Variants in DDIAS observed in about 807,000 individuals in gnomAD.
DDIAS encodes DNA damage induced apoptosis suppressor.
DDIAS carries 14 observed loss-of-function variants against 15.7 expected under a neutral mutation model. The ratio of observed to expected loss-of-function variants is 0.89; its 90% CI spans 0.59 to 1.39. DDIAS has a LOEUF of 1.39. DDIAS is among the 40% of genes most tolerant of loss of function. The pLI is 0.00. For missense variants in DDIAS, 1,035 were observed against 1,130.9 expected (o/e 0.92, Z 1.22); for synonymous variants, 355 against 395.9 (o/e 0.90, Z 1.23).
intron 1 of DDIAS, among the ~76,000 whole-genome samples, chr11:82,904,459 G>A (rs1860386241): frequency 6.6e-6 from 1 of 152,178 alleles, no homozygotes; most frequent in African/African-American, 2.4e-5. Flanking sequence ...ATGGATTAGA[G>A]TAAAGAATTG....
At chr11:82,912,235 A>G (rs928757510) in intron 1 of DDIAS, among the ~76,000 whole-genome samples, 3 of 152,190 alleles carry the variant, frequency 2.0e-5, no homozygotes, top group Admixed American at 1.3e-4. Context: ...TTCTCTAGCT[A>G]TGAAAGTCCT....
At chr11:82,913,846 A>G in intron 2 of DDIAS, 3 of 391,444 alleles carry the variant, frequency 7.7e-6, no homozygotes, top group East Asian at 1.5e-4. Context: ...AATTAATGAG[A>G]TGCAGGAATG....
At chr11:82,930,927 A>G (rs1417455762) in intron 5 of DDIAS, among the ~76,000 whole-genome samples, 1 of 152,192 alleles carries the variant, frequency 6.6e-6, no homozygotes, top group Non-Finnish European at 1.5e-5. Flanking sequence ...ACAGAGCTTT[A>G]CTTGTTAAAA....
chr11:82,924,199 C>T (rs1860811176), intron 3 of DDIAS, among the ~76,000 whole-genome samples: 1 of 152,100 alleles, frequency 6.6e-6, no homozygotes, highest in Non-Finnish European at 1.5e-5. Context: ...TATGTGGAAG[C>T]ATTAAGAGAT....
intron 1 of DDIAS, among the ~76,000 whole-genome samples, chr11:82,903,195 A>G (rs1227090073): frequency 1.3e-5 from 2 of 152,268 alleles, no homozygotes; most frequent in African/African-American, 2.4e-5. Context: ...AGATGGGCAG[A>G]GACCGGATCA....
chr11:82,902,107 G>T (rs578088592), intron 1 of DDIAS, among the ~76,000 whole-genome samples: 8 of 152,186 alleles, frequency 5.3e-5, no homozygotes, highest in Non-Finnish European at 1.0e-4. Context: ...AGGAAAAGGC[G>T]CGACTCTTGC....
chr11:82,923,678 G>A (rs1425348870), intron 3 of DDIAS, among the ~76,000 whole-genome samples: 1 of 152,184 alleles, frequency 6.6e-6, no homozygotes, highest in Non-Finnish European at 1.5e-5. Flanking sequence ...CTAGTGCTGA[G>A]TAGTAGGTAA....
At chr11:82,910,559 C>A (rs183826469) in intron 1 of DDIAS, among the ~76,000 whole-genome samples, 57 of 150,320 alleles carry the variant, frequency 3.8e-4, no homozygotes, top group Non-Finnish European at 7.4e-4. Context: ...GCGTGAGCTA[C>A]CACACCCTGC....
intron 2 of DDIAS, chr11:82,914,179 C>T (rs576437420): frequency 1.1e-5 from 3 of 262,400 alleles, no homozygotes; most frequent in Non-Finnish European, 7.5e-6. Flanking sequence ...AGGTGATCCG[C>T]CTGCCTCGGC....
Position 82,930,288 on chromosome 11 carries a change from G to C in DDIAS, c.393+14G>C. 6.9e-7 allele frequency: 1 copy of C among 1,455,048 alleles called. No homozygotes were observed. The highest frequency in any genetic ancestry group is 9.5e-7 in the Non-Finnish European group (1 of 1,050,540). 90.1% of individuals were successfully genotyped at this position (1,455,048 alleles called of 1,614,324 possible). A position where few individuals can be genotyped will look rare whatever the true frequency, so the allele number is the denominator to read the frequency against. On this transcript the variant is annotated intron_variant, in intron 5 of 5. Coordinates refer to ENST00000533655, the MANE Select transcript of DDIAS (RefSeq NM_145018.4). ...TTTGGAGTGACGGTAATTGAGACTA[G>C]CTTTCTTTTTAATAATCTGTTAACA...
At chr11:82,928,611 T>G (rs1236649818) in intron 3 of DDIAS, among the ~76,000 whole-genome samples, 166 bp from the exon 4 acceptor site, 4 of 152,206 alleles carry the variant, frequency 2.6e-5, no homozygotes, top group African/African-American at 9.7e-5. Context: ...CTATTCTGAC[T>G]AGAGAAATTT....
At chr11:82,931,649 G>C in intron 5 of DDIAS, 83 bp from the exon 6 acceptor site, 1 of 1,279,212 alleles carries the variant, frequency 7.8e-7, no homozygotes. Context: ...ATGAGCCACT[G>C]TGCCTGGCTA....
chr11:82,913,866 T>C, intron 2 of DDIAS: 2 of 400,472 alleles, frequency 5.0e-6, no homozygotes. Context: ...GGGACCCAAG[T>C]CTAAACATAA....
At chr11:82,925,795 T>A (rs1860848095) in intron 3 of DDIAS, among the ~76,000 whole-genome samples, 1 of 152,018 alleles carries the variant, frequency 6.6e-6, no homozygotes, top group Non-Finnish European at 1.5e-5. Context: ...GAGACCATCC[T>A]GGCTAACACG....
chr11:82,913,905 T>C (rs900642366), intron 2 of DDIAS: 2 of 439,542 alleles, frequency 4.6e-6, no homozygotes, highest in East Asian at 7.2e-5. Context: ...ATACATCTTA[T>C]ACACATAGTC....
At chr11:82,922,686 A>G (rs1305340341) in intron 3 of DDIAS, 2 of 152,062 alleles carry the variant, frequency 1.3e-5, no homozygotes, top group Non-Finnish European at 2.9e-5. Context: ...TTTTCAGGTA[A>G]ATCAGGGATT....
At chr11:82,931,682 A>C in intron 5 of DDIAS, 50 bp from the exon 6 acceptor site, 15 of 1,491,192 alleles carry the variant, frequency 1.0e-5, no homozygotes, top group Non-Finnish European at 1.1e-5. Flanking sequence ...ATGTTTAAGT[A>C]AATGGAAGAC....
chr11:82,926,608 A>G (rs1042090284), intron 3 of DDIAS, among the ~76,000 whole-genome samples: 2 of 152,206 alleles, frequency 1.3e-5, no homozygotes, highest in African/African-American at 2.4e-5. Context: ...TTCTCAAAGT[A>G]TGGCCTAAGG....
intron 5 of DDIAS, among the ~76,000 whole-genome samples, chr11:82,930,801 A>G (rs915223792): frequency 1.2e-4 from 18 of 152,124 alleles, no homozygotes; most frequent in Non-Finnish European, 1.9e-4. Context: ...TTTCTGTCTC[A>G]TCTATGCTAA....
Sources: allele counts gnomAD v4.1 joint callset (sites outside exome capture counted in the v4.1 genomes callset), GRCh38; gene constraint gnomAD v4.1.1; transcripts MANE v1.5; gene names NCBI Gene and HGNC (gene_info 2026-07-23, HGNC 2026-07-21).